GABBR2: variants seen among roughly 807,000 people sequenced by gnomAD.
GABBR2 encodes gamma-aminobutyric acid type B receptor subunit 2.
Under a neutral mutation model 105.6 loss-of-function variants are expected in GABBR2, and 23 were observed. The observed-to-expected ratio is 0.22, with a 90% CI of 0.16 to 0.31. GABBR2 has a LOEUF of 0.31. Among genes scored for constraint, GABBR2 ranks in the 10% least tolerant of loss-of-function variants. The pLI is 1.00. For missense variants in GABBR2, 734 were observed against 1,245.5 expected (o/e 0.59, Z 6.18); for synonymous variants, 478 against 499.7 (o/e 0.96, Z 0.58).
chr9:98,500,115 T>C (rs992975456), intron 3 of GABBR2, among the ~76,000 whole-genome samples: 44 of 152,372 alleles, frequency 2.9e-4, no homozygotes, highest in African/African-American at 1.0e-3. Context: ...ATCTTGCCAT[T>C]AACTACATTT....
At chr9:98,670,583 A>T (rs1746854956) in intron 1 of GABBR2, among the ~76,000 whole-genome samples, 1 of 152,272 alleles carries the variant, frequency 6.6e-6, no homozygotes, top group South Asian at 2.1e-4. Context: ...AGCAGCTCAC[A>T]TGCCTGTCAA....
At chr9:98,424,517 A>G (rs1832839436) in intron 7 of GABBR2, among the ~76,000 whole-genome samples, 1 of 152,154 alleles carries the variant, frequency 6.6e-6, no homozygotes. Context: ...AAGGGTATTC[A>G]ATTAGGAAAA....
chr9:98,674,370 T>A (rs990531191), intron 1 of GABBR2, among the ~76,000 whole-genome samples: 16 of 152,114 alleles, frequency 1.1e-4, no homozygotes, highest in African/African-American at 3.6e-4. Context: ...CACGTGAACA[T>A]CTGGGGGTGC....
At chr9:98,681,097 T>C (rs544800946) in intron 1 of GABBR2, among the ~76,000 whole-genome samples, 16 of 150,998 alleles carry the variant, frequency 1.1e-4, no homozygotes, top group African/African-American at 3.9e-4. Context: ...ACTGGGTATA[T>C]ACCCAAAGGA....
At chr9:98,647,956 TG>T (rs1439824169) in intron 1 of GABBR2, among the ~76,000 whole-genome samples, 8 of 146,328 alleles carry the variant, frequency 5.5e-5, no homozygotes, top group African/African-American at 2.0e-4. Flanking sequence ...GTTAAGTGTT[TG>T]GTTTTTTTTT....
chr9:98,394,200 G>C lies in GABBR2; in HGVS notation c.1353C>G (p.Ile451Met). The change falls in exon 9 of 19, where the codon ATC becomes ATG. Residue 451 changes from isoleucine to methionine, a missense_variant. Ile to Met is a conservative substitution (Grantham distance 10). Transcript: ENST00000259455. ...CTTGGAACCTGATGGTGTCATTGATGATCTCCAGTGTGTCGGCCACAGCGT... is the reference window on the plus strand; with the variant it reads ...CTTGGAACCTGATGGTGTCATTGATCATCTCCAGTGTGTCGGCCACAGCGT... ...EYNAVADTLEIINDTIRFQGS... is the reference protein window; with the variant it reads ...EYNAVADTLEMINDTIRFQGS... 2 of 1,613,726 alleles carry C rather than the reference G, an allele frequency of 1.2e-6. No individual in the cohort carries two copies. Among genetic ancestry groups the C allele is most frequent in the Non-Finnish European group, 1.7e-6 (2 of 1,179,644 alleles).
intron 1 of GABBR2, among the ~76,000 whole-genome samples, chr9:98,627,420 T>C (rs924008317): frequency 6.6e-6 from 1 of 151,882 alleles, no homozygotes; most frequent in Non-Finnish European, 1.5e-5. Context: ...ATGGAGAGAG[T>C]TGAGACAAGC....
chr9:98,446,816 C>T (rs1826137445), intron 7 of GABBR2, among the ~76,000 whole-genome samples: 1 of 152,062 alleles, frequency 6.6e-6, no homozygotes, highest in South Asian at 2.1e-4. Context: ...TCTAGGGCTC[C>T]CAGTTGTTAT....
intron 1 of GABBR2, among the ~76,000 whole-genome samples, chr9:98,616,646 C>T (rs550114056): frequency 7.9e-5 from 12 of 151,578 alleles, no homozygotes; most frequent in South Asian, 4.2e-4. Flanking sequence ...TCCTGCTACT[C>T]GGGAGGCTGA....
intron 1 of GABBR2, among the ~76,000 whole-genome samples, chr9:98,668,640 A>G (rs1172922738): frequency 2.0e-5 from 3 of 152,024 alleles, no homozygotes; most frequent in African/African-American, 7.2e-5. Context: ...ATCACCCCCA[A>G]CTAAGGCTCT....
At chr9:98,665,658 A>G (rs886174716) in intron 1 of GABBR2, among the ~76,000 whole-genome samples, 4 of 152,342 alleles carry the variant, frequency 2.6e-5, no homozygotes, top group African/African-American at 7.2e-5. Context: ...AGGCCATGCC[A>G]TCTGCAGCAG....
At chr9:98,480,834 T>C (rs1826905567) in intron 5 of GABBR2, 98 bp downstream of exon 5, 1 of 771,600 alleles carries the variant, frequency 1.3e-6, no homozygotes, top group Non-Finnish European at 2.4e-6. Flanking sequence ...GCTCCAGTCC[T>C]GTGATCCCAC....
intron 1 of GABBR2, among the ~76,000 whole-genome samples, chr9:98,649,776 G>A (rs1398885197): frequency 6.6e-6 from 1 of 152,150 alleles, no homozygotes; most frequent in Non-Finnish European, 1.5e-5. Context: ...AAATAGTGTT[G>A]TTTCAAAAAT....
At chr9:98,692,707 C>A (rs1409920775) in intron 1 of GABBR2, among the ~76,000 whole-genome samples, 1 of 152,226 alleles carries the variant, frequency 6.6e-6, no homozygotes, top group Admixed American at 6.5e-5. Context: ...GCTCACCATG[C>A]AGATCCACAG....
At chr9:98,700,211 G>C (rs968878312) in intron 1 of GABBR2, among the ~76,000 whole-genome samples, 12 of 152,222 alleles carry the variant, frequency 7.9e-5, no homozygotes, top group African/African-American at 2.2e-4. Context: ...AATAGGGCCA[G>C]GTGTAGTAAG....
At chr9:98,534,313 C>G (rs1002860191) in intron 3 of GABBR2, among the ~76,000 whole-genome samples, 11 of 132,062 alleles carry the variant, frequency 8.3e-5, no homozygotes, top group Non-Finnish European at 1.7e-4. Flanking sequence ...GGACCAGTGA[C>G]TAGGTGGGGA....
At chr9:98,543,887 T>C (rs921097229) in intron 2 of GABBR2, among the ~76,000 whole-genome samples, 1 of 152,200 alleles carries the variant, frequency 6.6e-6, no homozygotes, top group African/African-American at 2.4e-5. Context: ...TTTTTTTTAA[T>C]GAGGATGAAT....
Position 98,666,990 on chromosome 9 carries a change from G to A in GABBR2, c.321+41427C>T, listed in dbSNP as rs564588593. On this transcript the variant is annotated intron_variant, in intron 1 of 18. Transcript: ENST00000259455. ...AGGTGATCCACTGGGATAGTGCTCCGTGGTCCTTTGCCCAATTTTGACAAG... is the reference window on the plus strand; with the variant it reads ...AGGTGATCCACTGGGATAGTGCTCCATGGTCCTTTGCCCAATTTTGACAAG... Among the ~76,000 whole-genome samples, 9 of 152,264 alleles carry A rather than the reference G, an allele frequency of 5.9e-5. No homozygotes were observed. The South Asian group carries it at 8.3e-4, about 14-fold the overall frequency.
chr9:98,607,621 C>A, intron 1 of GABBR2: 1 of 707,890 alleles, frequency 1.4e-6, no homozygotes, highest in Non-Finnish European at 2.6e-6. Flanking sequence ...AGGAAAGCAG[C>A]ATCCTTGGGG....
Sources: allele counts gnomAD v4.1 joint callset (sites outside exome capture counted in the v4.1 genomes callset), GRCh38; gene constraint gnomAD v4.1.1; transcripts MANE v1.5; gene names NCBI Gene and HGNC (gene_info 2026-07-23, HGNC 2026-07-21).